The following ARHGAP28 variants were observed in gnomAD, a reference collection of about 807,000 sequenced individuals.
The protein encoded by ARHGAP28 is Rho GTPase activating protein 28.
ARHGAP28 carries 56 observed loss-of-function variants against 90.7 expected under a neutral mutation model. The ratio of observed to expected loss-of-function variants is 0.62; its 90% CI spans 0.50 to 0.77. The LOEUF (loss-of-function observed/expected upper bound fraction) is 0.77. ARHGAP28 is among the 30% of genes least tolerant of loss of function. The pLI, the probability that ARHGAP28 is intolerant of heterozygous loss-of-function variation, is 0.00. For missense variants in ARHGAP28, 869 were observed against 900.9 expected, an observed-to-expected ratio of 0.96 and a Z score of 0.45; for synonymous variants, 308 against 323.3, an observed-to-expected ratio of 0.95 and a Z score of 0.51.
At position 6,873,537 on chromosome 18, in the gene ARHGAP28, A is replaced by C; in HGVS notation, c.1083A>C (p.Gln361His). The stretch of plus-strand genomic sequence containing the variant: ...CCTTTTTTGATGCCTTTGGAATTCA[A>C]CTGAAAAGGAACAAAACAGAGAAAG... ...LTAFFDAFGI[Q>H]LKRNKTEKVK... The change falls in exon 8 of 18, where the codon CAA becomes CAC. Residue 361 changes from glutamine (Q) to histidine (H), a missense_variant. By Grantham distance (24) the Gln-to-His change is conservative. Transcript: ENST00000383472. 6.2e-7 allele frequency: 1 copy of C among 1,613,952 alleles called. No homozygotes were observed. Among genetic ancestry groups the C allele is most frequent in the Admixed American group, 1.7e-5 (1 of 59,990 alleles).
chr18:6,843,157 A>C (rs891418603), intron 3 of ARHGAP28, among the ~76,000 whole-genome samples: 2 of 152,054 alleles, frequency 1.3e-5, no homozygotes, highest in Non-Finnish European at 2.9e-5. Flanking sequence ...GGCGCTCAGC[A>C]TGGGTTGATA....
chr18:6,802,077 A>G (rs1415025298), intron 1 of ARHGAP28, among the ~76,000 whole-genome samples: 1 of 152,154 alleles, frequency 6.6e-6, no homozygotes, highest in African/African-American at 2.4e-5. Flanking sequence ...TGTTGCTGCA[A>G]ATGACCAGCT....
chr18:6,787,786 C>T (rs918164387), intron 1 of ARHGAP28, among the ~76,000 whole-genome samples: 1 of 152,144 alleles, frequency 6.6e-6, no homozygotes, highest in African/African-American at 2.4e-5. Flanking sequence ...CTCTCAAAGA[C>T]AACTGTATTT....
chr18:6,866,028 G>A, intron 5 of ARHGAP28, among the ~76,000 whole-genome samples: 1 of 152,144 alleles, frequency 6.6e-6, no homozygotes, highest in East Asian at 1.9e-4. Flanking sequence ...AACGATGCTA[G>A]TCGTAATATA....
intron 5 of ARHGAP28, among the ~76,000 whole-genome samples, chr18:6,865,573 A>G (rs532461700): frequency 2.0e-5 from 3 of 152,320 alleles, no homozygotes; most frequent in African/African-American, 7.2e-5. Context: ...AACCATGGGC[A>G]AAAACCAAAC....
chr18:6,829,182 A>G (rs970565166), intron 2 of ARHGAP28, among the ~76,000 whole-genome samples: 6 of 152,228 alleles, frequency 3.9e-5, no homozygotes, highest in African/African-American at 1.4e-4. Flanking sequence ...ATCCAGAAAG[A>G]CAGGAAGACA....
At chr18:6,775,597 G>A (rs773218749) in intron 1 of ARHGAP28, among the ~76,000 whole-genome samples, 2 of 152,162 alleles carry the variant, frequency 1.3e-5, no homozygotes, top group East Asian at 1.9e-4. Context: ...GTGATGCTTC[G>A]GATGTGACAT....
chr18:6,768,920 T>C (rs1280727614), intron 1 of ARHGAP28, among the ~76,000 whole-genome samples: 1 of 152,148 alleles, frequency 6.6e-6, no homozygotes, highest in Non-Finnish European at 1.5e-5. Flanking sequence ...TGCTTCCTCT[T>C]ATCCAATGTC....
chr18:6,821,021 C>T (rs568964058), intron 1 of ARHGAP28, among the ~76,000 whole-genome samples: 35 of 152,218 alleles, frequency 2.3e-4, no homozygotes, highest in African/African-American at 8.4e-4. Context: ...TTTCAAAAAA[C>T]TTACTATTTT....
At chr18:6,828,603 G>T (rs1444849884) in intron 2 of ARHGAP28, among the ~76,000 whole-genome samples, 2 of 152,152 alleles carry the variant, frequency 1.3e-5, no homozygotes, top group African/African-American at 4.8e-5. Context: ...TTTTGTATGT[G>T]GTGAAAGGTA....
intron 5 of ARHGAP28, among the ~76,000 whole-genome samples, chr18:6,860,570 G>T (rs1230500814): frequency 6.6e-6 from 1 of 152,186 alleles, no homozygotes; most frequent in African/African-American, 2.4e-5. Flanking sequence ...GTTGATGGAA[G>T]GCAGCAGTTA....
At chr18:6,871,236 T>G (rs904855529) in intron 7 of ARHGAP28, among the ~76,000 whole-genome samples, 1 of 152,224 alleles carries the variant, frequency 6.6e-6, no homozygotes, top group Non-Finnish European at 1.5e-5. Context: ...GCTGTACCTG[T>G]GTGGAGGAAA....
At chr18:6,825,523 G>A (rs2056656179) in intron 2 of ARHGAP28, among the ~76,000 whole-genome samples, 1 of 152,136 alleles carries the variant, frequency 6.6e-6, no homozygotes, top group African/African-American at 2.4e-5. Flanking sequence ...AGGGGTACAT[G>A]TGCAGGTTTC....
intron 5 of ARHGAP28, among the ~76,000 whole-genome samples, chr18:6,860,460 A>C (rs886269346): frequency 1.3e-5 from 2 of 152,090 alleles, no homozygotes; most frequent in African/African-American, 4.8e-5. Context: ...ATCCCCATTC[A>C]TTGTCTCTGA....
rs139365068 is a variant in ARHGAP28 at position 6,868,323 on chromosome 18, C to T, written c.811+89C>T. The T allele has an allele frequency of 1.4e-3, 1,711 of 1,199,350 alleles. 1 individual carries two copies. The highest frequency in any genetic ancestry group is 1.7e-3 in the Non-Finnish European group (1,439 of 824,586). 74.3% of individuals were successfully genotyped at this position (1,199,350 alleles called of 1,614,324 possible). ...ACAGTTAGCAGTGAATTTCTAAAAG[C>T]GAAGTATAAGTGTGCTTTTCTCCCT... On this transcript the variant is annotated intron_variant, in intron 6 of 17. Coordinates refer to ENST00000383472, the MANE Select transcript of ARHGAP28 (RefSeq NM_001366230.1).
intron 14 of ARHGAP28, among the ~76,000 whole-genome samples, chr18:6,894,525 G>A (rs544023410): frequency 5.9e-5 from 9 of 152,202 alleles, no homozygotes; most frequent in Admixed American, 1.3e-4. Context: ...CTTCTTTTGC[G>A]TGCTATTCCA....
chr18:6,777,358 T>G (rs1173330152), intron 1 of ARHGAP28, among the ~76,000 whole-genome samples: 1 of 152,060 alleles, frequency 6.6e-6, no homozygotes, highest in African/African-American at 2.4e-5. Context: ...CAAGATGGGT[T>G]TCAAGTGAAG....
rs1330038397 is a variant in ARHGAP28, at chr18:6,870,644, A to T, written c.866A>T (p.Glu289Val). Residue 289 changes from glutamate to valine, a missense_variant, in exon 7 of 18, where the codon GAA becomes GTA. Coordinates refer to ENST00000383472, the MANE Select transcript of ARHGAP28 (RefSeq NM_001366230.1). ...IPPEAEELSF[E>V]VSYSEMVTEA... ...CCAGAGGCTGAAGAGCTGTCATTTG[A>T]AGTGTCTTATTCAGAAATGGTTACG... 1 of 1,612,936 alleles carries T rather than the reference A, an allele frequency of 6.2e-7. No individual in the cohort carries two copies. The highest frequency in any genetic ancestry group is 1.1e-5 in the South Asian group (1 of 90,952).
chr18:6,845,722 G>T (rs1304728167), intron 3 of ARHGAP28, among the ~76,000 whole-genome samples: 3 of 152,160 alleles, frequency 2.0e-5, no homozygotes, highest in African/African-American at 7.2e-5. Flanking sequence ...ATGGCTTCCA[G>T]CTCCATCCAT....
Sources: allele counts gnomAD v4.1 joint callset (sites outside exome capture counted in the v4.1 genomes callset), GRCh38; gene constraint gnomAD v4.1.1; transcripts MANE v1.5; gene names NCBI Gene and HGNC (gene_info 2026-07-23, HGNC 2026-07-21).